The following NBAS variants were observed in gnomAD, a reference collection of about 807,000 sequenced individuals.
NBAS encodes the protein NBAS subunit of NRZ tethering complex, also known as NAG/BC035112 fusion.
A neutral mutation model predicts 302.5 loss-of-function variants in NBAS; 219 were observed. The ratio of observed to expected loss-of-function variants is 0.72; its 90% CI spans 0.65 to 0.81. The LOEUF (loss-of-function observed/expected upper bound fraction) is 0.81. NBAS is among the 30% of genes least tolerant of loss of function. NBAS has a pLI of 0.00. For synonymous variants in NBAS, 1,118 were observed against 1,021.6 expected (o/e 1.09, Z -1.80); for missense variants, 2,932 against 2,841.6 (o/e 1.03, Z -0.72).
At chr2:14,978,974 T>C in the NBAS span, among the ~76,000 whole-genome samples, 3 of 152,058 alleles carry the variant, frequency 2.0e-5, no homozygotes, top group East Asian at 5.8e-4. Context: ...TCACTGGAGG[T>C]GCATGGAGAG....
chr2:15,459,723 C>T (rs1346420459), intron 21 of NBAS, among the ~76,000 whole-genome samples: 1 of 152,126 alleles, frequency 6.6e-6, no homozygotes, highest in African/African-American at 2.4e-5. Flanking sequence ...TCATGATCCA[C>T]CCACCTCGGC....
At chr2:15,034,062 A>AGGG in the NBAS span, among the ~76,000 whole-genome samples, 365 of 91,038 alleles carry the variant, frequency 4.0e-3, 16 homozygotes, top group African/African-American at 0.018. Context: ...GAGGAGGAGG[A>AGGG]GGGGAAGGAG....
intron 32 of NBAS, among the ~76,000 whole-genome samples, chr2:15,360,658 T>TTC (rs1221468870): frequency 2.0e-5 from 3 of 147,170 alleles, no homozygotes; most frequent in Non-Finnish European, 3.0e-5. Flanking sequence ...CCTTTTTTTT[T>TTC]TTTTTTTTTT....
chr2:15,211,064 C>A (rs149030430), intron 48 of NBAS, among the ~76,000 whole-genome samples: 2 of 152,124 alleles, frequency 1.3e-5, no homozygotes, highest in Admixed American at 1.3e-4. Context: ...TCTGCTAACA[C>A]AACAGGATGA....
At chr2:15,137,947 T>A in the NBAS span, among the ~76,000 whole-genome samples, 1,370 of 152,182 alleles carry the variant, frequency 9.0e-3, 15 homozygotes, top group African/African-American at 0.029. Flanking sequence ...AATGGCAGGA[T>A]TTTTTGCTTC....
chr2:14,860,697 T>G, the NBAS span, among the ~76,000 whole-genome samples: 1 of 152,114 alleles, frequency 6.6e-6, no homozygotes, highest in East Asian at 1.9e-4. Context: ...GAGTGTTATA[T>G]GGGAAGGATG....
At chr2:15,481,469 G>A (rs756588589) in intron 12 of NBAS, among the ~76,000 whole-genome samples, 17 of 152,234 alleles carry the variant, frequency 1.1e-4, no homozygotes, top group Middle Eastern at 3.4e-3. Context: ...CTGGTGCTCC[G>A]TGGACAGGAT....
At chr2:15,118,932 C>T in the NBAS span, among the ~76,000 whole-genome samples, 3 of 152,160 alleles carry the variant, frequency 2.0e-5, no homozygotes, top group African/African-American at 7.2e-5. Context: ...CTAAACATAA[C>T]GCAGTGTGAG....
At chr2:15,466,266 G>A (rs991673768) in intron 19 of NBAS, among the ~76,000 whole-genome samples, 1 of 152,132 alleles carries the variant, frequency 6.6e-6, no homozygotes, top group African/African-American at 2.4e-5. Flanking sequence ...TGCCTACTGT[G>A]TGCCAGTGCC....
the NBAS span, among the ~76,000 whole-genome samples, chr2:15,152,448 C>G: frequency 6.6e-6 from 1 of 152,244 alleles, no homozygotes; most frequent in Non-Finnish European, 1.5e-5. Context: ...TGTAGACAAA[C>G]TGCAATCTAG....
At position 15,292,591 on chromosome 2, in the gene NBAS, T is replaced by C. The variant is rs752350142; in HGVS notation, c.4973A>G (p.Gln1658Arg). Reference protein sequence around the residue: ...LQGLRKGVDVQRFTADDQYKR... With the variant: ...LQGLRKGVDVRRFTADDQYKR... ...ATACTGGTCATCTGCAGTAAACCGC[T>C]GCACGTCCACACCCTTCCGAAGGCC... is the stretch of plus-strand genomic sequence containing the variant. The change falls in exon 41 of 52, where the codon CAG (glutamine) becomes CGG (arginine). Residue 1658 changes from glutamine (Q) to arginine (R), a missense_variant. Coordinates refer to ENST00000281513, the MANE Select transcript of NBAS (RefSeq NM_015909.4). 2 of 1,614,220 alleles carry C rather than the reference T, an allele frequency of 1.2e-6. No homozygotes were observed. The highest frequency in any genetic ancestry group is 1.7e-6 in the Non-Finnish European group (2 of 1,180,044).
At chr2:14,971,418 G>A in the NBAS span, among the ~76,000 whole-genome samples, 1 of 152,154 alleles carries the variant, frequency 6.6e-6, no homozygotes, top group Admixed American at 6.5e-5. Context: ...AGGAGGCTGA[G>A]GCAGGAGAAT....
At chr2:14,815,694 C>T in the NBAS span, among the ~76,000 whole-genome samples, 7 of 152,248 alleles carry the variant, frequency 4.6e-5, no homozygotes, top group East Asian at 1.4e-3. Context: ...GTGCTCTAGA[C>T]CCTTCCTATT....
the NBAS span, among the ~76,000 whole-genome samples, chr2:15,104,522 T>C: frequency 1.5e-4 from 23 of 152,062 alleles, no homozygotes; most frequent in Non-Finnish European, 2.5e-4. Flanking sequence ...TTTACCAAAA[T>C]TGTGGATGTC....
chr2:15,153,939 T>C, the NBAS span, among the ~76,000 whole-genome samples: 1 of 152,222 alleles, frequency 6.6e-6, no homozygotes, highest in Non-Finnish European at 1.5e-5. Context: ...TTTTAGGAGC[T>C]TGGAAATAAA....
the NBAS span, among the ~76,000 whole-genome samples, chr2:15,012,966 TC>T: frequency 6.6e-6 from 1 of 152,096 alleles, no homozygotes; most frequent in Non-Finnish European, 1.5e-5. Flanking sequence ...CAAGCAATTC[TC>T]CCACCTCAGC....
chr2:14,958,829 C>G, the NBAS span, among the ~76,000 whole-genome samples: 2 of 152,018 alleles, frequency 1.3e-5, no homozygotes, highest in Non-Finnish European at 2.9e-5. Context: ...TGGGGATCTA[C>G]CAGGTCCATA....
At chr2:15,466,772 TA>T (rs1469835749) in intron 19 of NBAS, among the ~76,000 whole-genome samples, 1 of 151,924 alleles carries the variant, frequency 6.6e-6, no homozygotes, top group Non-Finnish European at 1.5e-5. Flanking sequence ...ACCCTGTCTC[TA>T]AAAAAATGCA....
chr2:15,188,068 A>C (rs1247995774), intron 49 of NBAS, among the ~76,000 whole-genome samples: 3 of 152,348 alleles, frequency 2.0e-5, no homozygotes, highest in African/African-American at 7.2e-5. Context: ...TCATTGTAGG[A>C]GAAATGCTGC....
Sources: allele counts gnomAD v4.1 joint callset (sites outside exome capture counted in the v4.1 genomes callset), GRCh38; gene constraint gnomAD v4.1.1; transcripts MANE v1.5; gene names NCBI Gene and HGNC (gene_info 2026-07-23, HGNC 2026-07-21).